Variants in SUMF1 observed in about 807,000 individuals in gnomAD.
SUMF1 encodes formylglycine-generating enzyme.
SUMF1 carries 48 observed loss-of-function variants against 47.6 expected under a neutral mutation model. The ratio of observed to expected loss-of-function variants is 1.01; its 90% CI spans 0.80 to 1.28. The LOEUF (loss-of-function observed/expected upper bound fraction) is 1.28. Ranked by LOEUF, SUMF1 falls within the 50% of genes most tolerant of loss-of-function variation. The probability of loss-of-function intolerance (pLI) is 0.00; values close to 1 mark genes in which losing one functional copy is unlikely to be tolerated. For missense variants in SUMF1, 571 were observed against 485.4 expected (o/e 1.18, Z -1.66); for synonymous variants, 230 against 192.1 (o/e 1.20, Z -1.63).
In SUMF1 at chr3:4,453,615, C is replaced by A. The variant is rs542238888; in HGVS notation, c.271-566G>T. 3.4e-4 allele frequency among the ~76,000 whole-genome samples: 52 copies of A among 151,244 alleles called. 1 individual carries two copies. The East Asian group carries it at 9.0e-3, about 26-fold the overall frequency. The stretch of plus-strand genomic sequence containing the variant: ...GTGGCACAATCACGGCTCACTGCAA[C>A]CTCCACCTCCCGGGTCCAAGTGATT... On this transcript the variant is annotated intron_variant, in intron 1 of 8. Transcript: ENST00000272902.
At chr3:4,355,262 G>A (rs962912109) in intron 8 of SUMF1, among the ~76,000 whole-genome samples, 2 of 151,046 alleles carry the variant, frequency 1.3e-5, no homozygotes, top group African/African-American at 2.5e-5. Context: ...AGGCTGAGGT[G>A]GGGGGGATCA....
intron 8 of SUMF1, among the ~76,000 whole-genome samples, chr3:4,295,108 G>A (rs1697823720): frequency 6.6e-6 from 1 of 152,098 alleles, no homozygotes; most frequent in South Asian, 2.1e-4. Flanking sequence ...AGACAAGTTA[G>A]TCTTGGGCAA....
At chr3:4,226,264 C>CTTTTT (rs869300368) in intron 8 of SUMF1, among the ~76,000 whole-genome samples, 25 of 86,984 alleles carry the variant, frequency 2.9e-4, no homozygotes, top group Admixed American at 4.8e-4. Flanking sequence ...TTTTTTGTTT[C>CTTTTT]TTTTTTTTTT....
intron 8 of SUMF1, among the ~76,000 whole-genome samples, chr3:4,258,583 G>T (rs951072059): frequency 1.9e-4 from 29 of 152,116 alleles, no homozygotes; most frequent in Non-Finnish European, 3.7e-4. Flanking sequence ...ACACCAGTTA[G>T]AATGGCAATC....
At chr3:4,116,904 C>T (rs1247273099) in intron 8 of SUMF1, among the ~76,000 whole-genome samples, 1 of 151,830 alleles carries the variant, frequency 6.6e-6, no homozygotes, top group Non-Finnish European at 1.5e-5. Context: ...TGTGGGATTG[C>T]AAAAAACAAA....
intron 8 of SUMF1, among the ~76,000 whole-genome samples, chr3:4,069,472 G>A (rs1003257299): frequency 6.6e-6 from 1 of 152,172 alleles, no homozygotes; most frequent in Admixed American, 6.6e-5. Context: ...GGACAATGGA[G>A]AATGTTCATG....
At chr3:4,065,084 T>C (rs764497104) in intron 9 of SUMF1, among the ~76,000 whole-genome samples, 6 of 152,150 alleles carry the variant, frequency 3.9e-5, no homozygotes, top group Non-Finnish European at 8.8e-5. Context: ...GTATGTAAAG[T>C]TCTACAGCAG....
intron 8 of SUMF1, among the ~76,000 whole-genome samples, chr3:4,289,164 A>T (rs1697692825): frequency 6.6e-6 from 1 of 152,188 alleles, no homozygotes; most frequent in South Asian, 2.1e-4. Context: ...GAAAATGGGG[A>T]AGATAGTGAC....
intron 8 of SUMF1, among the ~76,000 whole-genome samples, chr3:4,129,477 G>A (rs1466299733): frequency 6.6e-6 from 1 of 152,068 alleles, no homozygotes; most frequent in Non-Finnish European, 1.5e-5. Context: ...AGACTAATTT[G>A]AATTATAAAA....
chr3:4,069,841 T>C (rs1695476392), intron 8 of SUMF1, among the ~76,000 whole-genome samples: 1 of 152,304 alleles, frequency 6.6e-6, no homozygotes, highest in African/African-American at 2.4e-5. Flanking sequence ...ACTTTGAAAT[T>C]ACCCTGAAAA....
At chr3:4,453,992 G>A (rs569503256) in intron 1 of SUMF1, among the ~76,000 whole-genome samples, 25 of 152,050 alleles carry the variant, frequency 1.6e-4, no homozygotes, top group Non-Finnish European at 2.9e-4. Context: ...TTTTTTATTC[G>A]CATATGCTTT....
In SUMF1 at chr3:4,467,242, C is replaced by T; in HGVS notation, c.4G>A (p.Ala2Thr). ...CACACCAGCCCTAGTGCGGGCGCAG[C>T]CATGTTGTCCCGCGGGCCATGTGAC... M[A>T]APALGLVCGR... The change falls in exon 1 of 9, where the codon GCT (alanine) becomes ACT (threonine). Residue 2 changes from alanine (A) to threonine (T), a missense_variant. Coordinates refer to ENST00000272902, the MANE Select transcript of SUMF1 (RefSeq NM_182760.4). 1.9e-6 allele frequency: 3 copies of T among 1,607,864 alleles called. No individual in the cohort carries two copies. Among genetic ancestry groups the T allele is most frequent in the Non-Finnish European group, 2.5e-6 (3 of 1,177,644 alleles).
intron 8 of SUMF1, among the ~76,000 whole-genome samples, chr3:4,233,893 T>G (rs1170589858): frequency 1.3e-5 from 2 of 152,174 alleles, no homozygotes; most frequent in Non-Finnish European, 2.9e-5. Context: ...AATATTCATT[T>G]GTACCCAGAG....
chr3:4,072,860 T>A (rs551158611), intron 8 of SUMF1, among the ~76,000 whole-genome samples: 1 of 152,316 alleles, frequency 6.6e-6, no homozygotes, highest in South Asian at 2.1e-4. Flanking sequence ...TACGTTTGAC[T>A]GGTGTACCTG....
chr3:4,375,941 A>G (rs919037164), intron 8 of SUMF1, among the ~76,000 whole-genome samples: 1 of 152,198 alleles, frequency 6.6e-6, no homozygotes, highest in Non-Finnish European at 1.5e-5. Flanking sequence ...CCCTCCATAC[A>G]TAACTCTCAC....
intron 8 of SUMF1, among the ~76,000 whole-genome samples, chr3:4,311,202 CAG>C: frequency 6.6e-6 from 1 of 152,296 alleles, no homozygotes; most frequent in East Asian, 1.9e-4. Context: ...CTCCCCAGCT[CAG>C]AGTTTTTTTT....
At chr3:4,374,924 A>G (rs1240058230) in intron 8 of SUMF1, among the ~76,000 whole-genome samples, 1 of 152,134 alleles carries the variant, frequency 6.6e-6, no homozygotes, top group Non-Finnish European at 1.5e-5. Flanking sequence ...CACTTTGGGA[A>G]GCAAAGGCAG....
intron 8 of SUMF1, among the ~76,000 whole-genome samples, chr3:4,253,775 C>T (rs562764921): frequency 6.8e-6 from 1 of 146,262 alleles, no homozygotes; most frequent in African/African-American, 2.6e-5. Context: ...TCAAGGAGGC[C>T]TGCCTGCCTC....
intron 8 of SUMF1, among the ~76,000 whole-genome samples, chr3:4,224,373 C>T (rs1574995007): frequency 1.3e-5 from 2 of 152,210 alleles, no homozygotes; most frequent in Middle Eastern, 3.4e-3. Flanking sequence ...AATTCAGCTA[C>T]ACAGTGTTCA....
Sources: allele counts gnomAD v4.1 joint callset (sites outside exome capture counted in the v4.1 genomes callset), GRCh38; gene constraint gnomAD v4.1.1; transcripts MANE v1.5; gene names NCBI Gene and HGNC (gene_info 2026-07-23, HGNC 2026-07-21).